Variants in PPM1H observed in about 807,000 individuals in gnomAD.
PPM1H encodes the protein protein phosphatase 1H.
PPM1H carries 27 observed loss-of-function variants against 54.9 expected under a neutral mutation model. The observed-to-expected ratio is 0.49, with a 90% CI of 0.36 to 0.68. The LOEUF (loss-of-function observed/expected upper bound fraction) is 0.68. Among genes scored for constraint, PPM1H ranks in the 30% least tolerant of loss-of-function variants. PPM1H has a pLI of 0.00. For missense variants in PPM1H, 596 were observed against 667.8 expected (o/e 0.89, Z 1.19); for synonymous variants, 305 against 270.8 (o/e 1.13, Z -1.24).
At chr12:62,823,935 G>A (rs567349016) in intron 2 of PPM1H, among the ~76,000 whole-genome samples, 2 of 152,162 alleles carry the variant, frequency 1.3e-5, no homozygotes, top group Admixed American at 6.6e-5. Flanking sequence ...AAGGGAATTC[G>A]ATTAGGAAAT....
chr12:62,832,120 C>T lies in PPM1H; in HGVS notation c.405G>A (p.Glu135=). 3 of 1,613,824 alleles carry T rather than the reference C, an allele frequency of 1.9e-6. No homozygotes were observed. The highest frequency in any genetic ancestry group is 2.7e-5 in the African/African-American group (2 of 75,020). ...GGATCGAGAAGGGTCTTACCGAGTT[C>T]TCCTTCAGCTGCAGCCCTTCCCCAT... ...LPNGEGLQLK[E]NSESEGVSCH... is the part of the protein sequence containing the mutation. The change falls in exon 2 of 10, where the codon GAG becomes GAA. Residue 135 remains glutamate (E), a synonymous_variant. Coordinates refer to ENST00000228705, the MANE Select transcript of PPM1H (RefSeq NM_020700.2).
At chr12:62,650,218 C>CTAT (rs1352672850) in intron 9 of PPM1H, among the ~76,000 whole-genome samples, 1 of 152,170 alleles carries the variant, frequency 6.6e-6, no homozygotes, top group Non-Finnish European at 1.5e-5. Flanking sequence ...AGGATCAAGT[C>CTAT]TATTTGTACA....
intron 7 of PPM1H, among the ~76,000 whole-genome samples, chr12:62,691,394 T>A (rs1258662238): frequency 6.6e-6 from 1 of 152,208 alleles, no homozygotes; most frequent in Non-Finnish European, 1.5e-5. Flanking sequence ...TAATATATTG[T>A]CTTCATCTTC....
intron 3 of PPM1H, among the ~76,000 whole-genome samples, chr12:62,798,736 C>G (rs2076750114): frequency 6.6e-6 from 1 of 152,186 alleles, no homozygotes; most frequent in African/African-American, 2.4e-5. Context: ...ATCTATCTTC[C>G]CACCACAGCA....
chr12:62,694,969 A>G (rs897979730), intron 6 of PPM1H, among the ~76,000 whole-genome samples: 8 of 152,220 alleles, frequency 5.3e-5, no homozygotes, highest in African/African-American at 1.9e-4. Context: ...AAGACTAAGT[A>G]AAAGATAGGG....
At chr12:62,734,681 G>A (rs1022981175) in intron 5 of PPM1H, among the ~76,000 whole-genome samples, 3 of 152,218 alleles carry the variant, frequency 2.0e-5, no homozygotes, top group African/African-American at 7.2e-5. Context: ...AGTGCAAAAA[G>A]TTAACTTATT....
chr12:62,685,499 A>G (rs1371207347), intron 8 of PPM1H, among the ~76,000 whole-genome samples: 1 of 152,212 alleles, frequency 6.6e-6, no homozygotes, highest in East Asian at 1.9e-4. Flanking sequence ...TTAACTGTAT[A>G]ACTTTGGGGG....
intron 1 of PPM1H, among the ~76,000 whole-genome samples, chr12:62,907,252 A>G (rs892268195): frequency 2.0e-5 from 3 of 152,260 alleles, no homozygotes; most frequent in African/African-American, 7.2e-5. Flanking sequence ...ACTGAGCACC[A>G]GCATGTGCCA....
intron 4 of PPM1H, among the ~76,000 whole-genome samples, chr12:62,747,441 T>A (rs1347289401): frequency 6.6e-6 from 1 of 152,204 alleles, no homozygotes; most frequent in Non-Finnish European, 1.5e-5. Flanking sequence ...TGGCAATTTT[T>A]AAAAATTTTT....
chr12:62,915,301 G>A (rs1434618873), intron 1 of PPM1H, among the ~76,000 whole-genome samples: 3 of 152,230 alleles, frequency 2.0e-5, no homozygotes, highest in Non-Finnish European at 4.4e-5. Context: ...TATGTGGTGA[G>A]TGCCTGCAGC....
At chr12:62,777,370 G>A (rs1406578897) in intron 4 of PPM1H, among the ~76,000 whole-genome samples, 1 of 152,186 alleles carries the variant, frequency 6.6e-6, no homozygotes, top group Non-Finnish European at 1.5e-5. Context: ...ACAAGTAGAA[G>A]AGGACAGAGA....
rs535735281 is a variant in PPM1H at position 62,807,630 on chromosome 12, T to C, written c.412-5470A>G. 2.0e-5 allele frequency among the ~76,000 whole-genome samples: 3 copies of C among 152,268 alleles called. 1 individual carries two copies. The South Asian group carries it at 6.2e-4, about 32-fold the overall frequency. ...CCATGGTTTGTTGTTTTTTAATCCC[T>C]TGAACTAGATAAAAACAAGTTTATA... On this transcript the variant is annotated intron_variant, in intron 2 of 9. Coordinates refer to ENST00000228705, the MANE Select transcript of PPM1H (RefSeq NM_020700.2).
chr12:62,788,685 A>T (rs1296469212), intron 3 of PPM1H, among the ~76,000 whole-genome samples: 1 of 152,208 alleles, frequency 6.6e-6, no homozygotes, highest in East Asian at 1.9e-4. Context: ...TGAAACATAC[A>T]CTAGAGAGGC....
intron 6 of PPM1H, among the ~76,000 whole-genome samples, chr12:62,719,785 CAG>C (rs2076253947): frequency 6.6e-6 from 1 of 152,166 alleles, no homozygotes; most frequent in South Asian, 2.1e-4. Context: ...TTAGAAGAAT[CAG>C]AGTCAGGATT....
intron 9 of PPM1H, among the ~76,000 whole-genome samples, chr12:62,650,156 C>G (rs7135812): frequency 0.64 from 97,539 of 152,068 alleles, 31,534 homozygotes; most frequent in Middle Eastern, 0.77. Flanking sequence ...AAGAACAAGT[C>G]CTCTAACAAA....
intron 5 of PPM1H, among the ~76,000 whole-genome samples, chr12:62,735,129 A>G (rs1006188565): frequency 6.6e-6 from 1 of 152,190 alleles, no homozygotes; most frequent in Non-Finnish European, 1.5e-5. Context: ...CTGCTGTGAA[A>G]TGTTTGGGCG....
intron 2 of PPM1H, among the ~76,000 whole-genome samples, chr12:62,811,266 T>G (rs1371113527): frequency 2.6e-5 from 4 of 152,208 alleles, no homozygotes; most frequent in African/African-American, 9.7e-5. Flanking sequence ...AAGTTAATTG[T>G]ACTGTATGTT....
chr12:62,810,350 T>C (rs557785172), intron 2 of PPM1H, among the ~76,000 whole-genome samples: 1 of 152,274 alleles, frequency 6.6e-6, no homozygotes, highest in East Asian at 1.9e-4. Flanking sequence ...AGTCTGCATC[T>C]GGGACCCTGG....
Position 62,748,529 on chromosome 12 carries a change from A to AACACACAC in PPM1H, c.870-10951_870-10944dup, listed in dbSNP as rs3052402. 4.0e-3 allele frequency among the ~76,000 whole-genome samples: 588 copies of AACACACAC among 147,390 alleles called. 1 individual carries two copies. Among genetic ancestry groups the AACACACAC allele is most frequent in the African/African-American group, 0.011 (435 of 39,850 alleles). On this transcript the variant is annotated intron_variant, in intron 4 of 9. Coordinates refer to ENST00000228705, the MANE Select transcript of PPM1H (RefSeq NM_020700.2). ...TGTAGTTAAATGTGTTTCAGTGTAG[A>AACACACAC]ACACACACACACACACACACACACA...
Sources: allele counts gnomAD v4.1 joint callset (sites outside exome capture counted in the v4.1 genomes callset), GRCh38; gene constraint gnomAD v4.1.1; transcripts MANE v1.5; gene names NCBI Gene and HGNC (gene_info 2026-07-23, HGNC 2026-07-21).